The following INPP4B variants were observed in gnomAD, a reference collection of about 807,000 sequenced individuals.
INPP4B encodes inositol polyphosphate-4-phosphatase type II B.
In INPP4B, 55 loss-of-function variants were observed where a neutral mutation model predicts 122.5. The ratio of observed to expected loss-of-function variants is 0.45; its 90% confidence interval spans 0.36 to 0.56. The LOEUF (loss-of-function observed/expected upper bound fraction) is 0.56, where lower values mean the gene tolerates loss of function less well. Among genes scored for constraint, INPP4B ranks in the 20% least tolerant of loss-of-function variants. The probability of loss-of-function intolerance (pLI) is 0.00; values close to 1 mark genes in which losing one functional copy is unlikely to be tolerated. For missense variants in INPP4B, 1,000 were observed against 1,097.7 expected, an observed-to-expected ratio of 0.91 and a Z score of 1.26; for synonymous variants, 403 against 388.7, an observed-to-expected ratio of 1.04 and a Z score of -0.43.
intron 7 of INPP4B, among the ~76,000 whole-genome samples, chr4:142,394,995 C>T (rs1798910472): frequency 6.6e-6 from 1 of 152,172 alleles, no homozygotes; most frequent in South Asian, 2.1e-4. Flanking sequence ...TTTCTACCAT[C>T]AAAAAGTCAG....
intron 2 of INPP4B, among the ~76,000 whole-genome samples, chr4:142,691,252 T>C (rs1474692556): frequency 6.6e-6 from 1 of 151,862 alleles, no homozygotes; most frequent in East Asian, 1.9e-4. Context: ...CCTTTTACAC[T>C]GAGACTTGAA....
At chr4:142,795,030 T>A (rs748758574) in intron 1 of INPP4B, 1 of 151,878 alleles carries the variant, frequency 6.6e-6, no homozygotes, top group Non-Finnish European at 1.5e-5. Context: ...CAAATATAAT[T>A]CAGGAATAAA....
intron 9 of INPP4B, among the ~76,000 whole-genome samples, chr4:142,279,539 A>G (rs570513170): frequency 7.2e-6 from 1 of 137,940 alleles, no homozygotes; most frequent in Admixed American, 7.0e-5. Context: ...TTAAACATCC[A>G]TTTGGAAAAA....
chr4:142,344,239 G>A (rs189086234), intron 7 of INPP4B, among the ~76,000 whole-genome samples: 1 of 152,198 alleles, frequency 6.6e-6, no homozygotes, highest in Admixed American at 6.5e-5. Context: ...AGTCTCCTTA[G>A]AAGCAGGGTG....
At chr4:142,837,729 T>C (rs1226675364) in intron 1 of INPP4B, among the ~76,000 whole-genome samples, 2 of 152,112 alleles carry the variant, frequency 1.3e-5, no homozygotes, top group Non-Finnish European at 2.9e-5. Flanking sequence ...AAGAATGAAA[T>C]GAGTGCAAGC....
In INPP4B at chr4:142,227,276, A is replaced by G. The variant is rs544883489; in HGVS notation, c.836+10588T>C. ...AGGGAGGTCATCTTACTACCAGGAG[A>G]ATGCGCAGCCACAGCATCTGATGGA... is the stretch of plus-strand genomic sequence containing the variant. On this transcript the variant is annotated intron_variant, in intron 12 of 25. Transcript: ENST00000262992. 1.2e-4 allele frequency among the ~76,000 whole-genome samples: 19 copies of G among 152,240 alleles called. 1 individual carries two copies. The South Asian group carries it at 3.9e-3, about 32-fold the overall frequency.
At chr4:142,349,748 C>CTCATAAAAGA (rs1430896593) in intron 7 of INPP4B, among the ~76,000 whole-genome samples, 3 of 151,962 alleles carry the variant, frequency 2.0e-5, no homozygotes, top group Non-Finnish European at 4.4e-5. Flanking sequence ...ATAAAAGGCA[C>CTCATAAAAGA]ATCTTTAGAT....
At chr4:142,621,741 A>C (rs1176021800) in intron 2 of INPP4B, among the ~76,000 whole-genome samples, 1 of 151,808 alleles carries the variant, frequency 6.6e-6, no homozygotes, top group Non-Finnish European at 1.5e-5. Context: ...TTCTATGTAC[A>C]TAATAAAATA....
At chr4:142,349,908 C>T (rs999266116) in intron 7 of INPP4B, among the ~76,000 whole-genome samples, 20 of 136,834 alleles carry the variant, frequency 1.5e-4, no homozygotes, top group Non-Finnish European at 2.3e-4. Flanking sequence ...AAAAAAAAAT[C>T]CATCATTACT....
At chr4:142,679,271 C>T (rs989324653) in intron 2 of INPP4B, among the ~76,000 whole-genome samples, 12 of 151,822 alleles carry the variant, frequency 7.9e-5, no homozygotes, top group Admixed American at 5.3e-4. Context: ...CTATCTAGAC[C>T]TCAAAGGCTT....
intron 23 of INPP4B, among the ~76,000 whole-genome samples, chr4:142,086,895 T>C (rs1241819058): frequency 6.6e-6 from 1 of 152,194 alleles, no homozygotes; most frequent in Admixed American, 6.5e-5. Flanking sequence ...TGTCATGAGA[T>C]ATAACTTTCC....
At chr4:142,464,843 C>A (rs1361467508) in intron 2 of INPP4B, among the ~76,000 whole-genome samples, 1 of 152,116 alleles carries the variant, frequency 6.6e-6, no homozygotes, top group Admixed American at 6.5e-5. Flanking sequence ...TGAACAAAAT[C>A]ATAATTTATC....
chr4:142,240,387 C>A lies in INPP4B; in HGVS notation c.689-2376G>T, dbSNP rs1052147723. 2.6e-5 allele frequency among the ~76,000 whole-genome samples: 4 copies of A among 152,074 alleles called. No homozygotes were observed. In the East Asian group the frequency reaches 5.8e-4, roughly 22 times the overall value. ...CTCTTCAATGCACTCTGAATATAAA[C>A]CTTTGTTGAAATAGATTAAACAGAA... On this transcript the variant is annotated intron_variant, in intron 11 of 25. Transcript: ENST00000262992.
rs1455605092 is a variant in INPP4B, at chr4:142,453,107, C to T, written c.-127+9556G>A. 2.0e-5 allele frequency among the ~76,000 whole-genome samples: 3 copies of T among 152,082 alleles called. No individual in the cohort carries two copies. In the East Asian group the frequency reaches 5.8e-4, roughly 29 times the overall value. ...TCCAAATACAGTGACTTCTAGCATC[C>T]TATCTCAGGAAGCAGAAATACATAA... On this transcript the variant is annotated intron_variant, in intron 3 of 25. Coordinates refer to ENST00000262992, the MANE Select transcript of INPP4B (RefSeq NM_001101669.3).
intron 12 of INPP4B, among the ~76,000 whole-genome samples, chr4:142,211,942 A>G (rs1368198951): frequency 1.3e-5 from 2 of 152,162 alleles, no homozygotes; most frequent in Non-Finnish European, 2.9e-5. Flanking sequence ...AGAGGCTGAT[A>G]TAGTTAATGG....
intron 2 of INPP4B, among the ~76,000 whole-genome samples, chr4:142,619,934 T>A (rs1744527889): frequency 6.6e-6 from 1 of 152,024 alleles, no homozygotes; most frequent in Non-Finnish European, 1.5e-5. Flanking sequence ...ATCATAGTCC[T>A]AAAATTTAAA....
intron 1 of INPP4B, among the ~76,000 whole-genome samples, chr4:142,775,598 C>T (rs1773762772): frequency 7.5e-6 from 1 of 134,042 alleles, no homozygotes; most frequent in Non-Finnish European, 1.5e-5. Context: ...TGGTTTTGAA[C>T]TCCTGGGCTC....
intron 2 of INPP4B, among the ~76,000 whole-genome samples, chr4:142,547,889 T>C (rs1280653722): frequency 2.0e-5 from 3 of 152,194 alleles, no homozygotes; most frequent in African/African-American, 2.4e-5. Flanking sequence ...TAAGAAATCA[T>C]TGGCCCTGGA....
At chr4:142,125,415 T>G (rs1009901837) in intron 18 of INPP4B, among the ~76,000 whole-genome samples, 1 of 152,130 alleles carries the variant, frequency 6.6e-6, no homozygotes. Flanking sequence ...TCATGAAAGA[T>G]TCTCCATTAT....
Sources: allele counts gnomAD v4.1 joint callset (sites outside exome capture counted in the v4.1 genomes callset), GRCh38; gene constraint gnomAD v4.1.1; transcripts MANE v1.5; gene names NCBI Gene and HGNC (gene_info 2026-07-23, HGNC 2026-07-21).